Variants in IFNG-AS1 observed in about 807,000 individuals in gnomAD.
The protein encoded by IFNG-AS1 is IFNG antisense RNA 1 (non-protein coding).
intron 2 of IFNG-AS1, among the ~76,000 whole-genome samples, chr12:67,997,416 G>T (rs1341387894): frequency 2.0e-5 from 3 of 151,924 alleles, no homozygotes; most frequent in Non-Finnish European, 4.4e-5. Context: ...TTAATAGATG[G>T]TTCTGGGACA....
chr12:67,992,384 T>C (rs1879537620), intron 1 of IFNG-AS1, among the ~76,000 whole-genome samples: 1 of 152,304 alleles, frequency 6.6e-6, no homozygotes, highest in South Asian at 2.1e-4. Context: ...AAGATCTTTC[T>C]ATCTCGAATA....
At chr12:68,008,890 A>G (rs1399543567) in intron 3 of IFNG-AS1, among the ~76,000 whole-genome samples, 1 of 152,192 alleles carries the variant, frequency 6.6e-6, no homozygotes, top group Non-Finnish European at 1.5e-5. Context: ...GTGTTCCAAT[A>G]AGAAGAGGCA....
intron 2 of IFNG-AS1, chr12:68,001,474 C>A (rs1032290471): frequency 7.8e-6 from 2 of 256,726 alleles, no homozygotes; most frequent in Non-Finnish European, 1.6e-5. Context: ...TCTGATTCCA[C>A]TAGGGAATGG....
intron 2 of IFNG-AS1, among the ~76,000 whole-genome samples, chr12:68,004,623 C>T (rs1002786086): frequency 1.3e-5 from 2 of 152,232 alleles, no homozygotes; most frequent in African/African-American, 4.8e-5. Flanking sequence ...TTGTGCCTTC[C>T]TTCTCTACAG....
At chr12:68,007,717 T>C (rs1879937195) in intron 3 of IFNG-AS1, among the ~76,000 whole-genome samples, 1 of 152,180 alleles carries the variant, frequency 6.6e-6, no homozygotes, top group African/African-American at 2.4e-5. Context: ...AAAACCTCTA[T>C]ATTTACACAA....
chr12:68,004,552 C>T (rs1879864450), intron 2 of IFNG-AS1, among the ~76,000 whole-genome samples: 1 of 152,210 alleles, frequency 6.6e-6, no homozygotes, highest in Non-Finnish European at 1.5e-5. Flanking sequence ...GTCACTCAGT[C>T]CACATGGGTC....
intron 2 of IFNG-AS1, among the ~76,000 whole-genome samples, chr12:67,998,126 A>G (rs1879684190): frequency 6.6e-6 from 1 of 152,098 alleles, no homozygotes; most frequent in African/African-American, 2.4e-5. Flanking sequence ...CAGCAATTCC[A>G]CTTCTAGGAA....
At chr12:68,011,389 G>A (rs981455811) in intron 3 of IFNG-AS1, among the ~76,000 whole-genome samples, 1 of 152,134 alleles carries the variant, frequency 6.6e-6, no homozygotes, top group Middle Eastern at 3.2e-3. Context: ...TCTTTCTTTT[G>A]TGGTCTCTCT....
intron 1 of IFNG-AS1, among the ~76,000 whole-genome samples, chr12:67,992,068 C>T (rs1011282498): frequency 4.6e-5 from 7 of 152,190 alleles, no homozygotes; most frequent in Non-Finnish European, 1.0e-4. Flanking sequence ...CTCTTTCTCT[C>T]TGTCTCTGTA....
chr12:68,002,809 T>C (rs1369117071), intron 2 of IFNG-AS1, among the ~76,000 whole-genome samples: 1 of 152,224 alleles, frequency 6.6e-6, no homozygotes, highest in African/African-American at 2.4e-5. Flanking sequence ...CAAAGGAGCC[T>C]TCCTGGGTTT....
At chr12:67,995,397 G>A (rs759303557) in intron 1 of IFNG-AS1, among the ~76,000 whole-genome samples, 23 of 139,698 alleles carry the variant, frequency 1.6e-4, no homozygotes, top group Non-Finnish European at 3.1e-4. Flanking sequence ...CTCCAGCCTG[G>A]TGACAGAGTG....
At chr12:67,999,492 G>C (rs111682657) in intron 2 of IFNG-AS1, among the ~76,000 whole-genome samples, 2,964 of 152,270 alleles carry the variant, frequency 0.019, 100 homozygotes, top group African/African-American at 0.068. Context: ...GTGGACACAT[G>C]TTGAAAGGAC....
rs531407275 is a variant in IFNG-AS1 at position 67,992,334 on chromosome 12, T to C, written n.51+2755T>C. On this transcript the variant is annotated intron_variant and non_coding_transcript_variant, in intron 1 of 5. Coordinates refer to ENST00000536914, the Ensembl canonical transcript of IFNG-AS1. ...CACTGAATCATTATTCCAAAATTTA[T>C]CAATCTATTTTCTTGTTAGTGGAAT... Among the ~76,000 whole-genome samples the C allele has an allele frequency of 4.6e-5, 7 of 152,354 alleles. No individual in the cohort carries two copies. The South Asian group carries it at 1.4e-3, about 32-fold the overall frequency.
At chr12:67,994,756 G>A (rs1879596090) in intron 1 of IFNG-AS1, among the ~76,000 whole-genome samples, 1 of 152,132 alleles carries the variant, frequency 6.6e-6, no homozygotes, top group Non-Finnish European at 1.5e-5. Context: ...TGTTCTAGGA[G>A]GTGCAGTAAG....
intron 3 of IFNG-AS1, among the ~76,000 whole-genome samples, chr12:68,014,935 G>A (rs969621571): frequency 2.0e-5 from 3 of 152,082 alleles, no homozygotes; most frequent in African/African-American, 7.2e-5. Flanking sequence ...TTGGTGAAAA[G>A]AGCAATGCAC....
At chr12:67,994,065 G>A (rs772281569) in intron 1 of IFNG-AS1, among the ~76,000 whole-genome samples, 3 of 152,174 alleles carry the variant, frequency 2.0e-5, no homozygotes, top group Non-Finnish European at 2.9e-5. Flanking sequence ...GTGGCATGGG[G>A]AATAATTTAA....
intron 2 of IFNG-AS1, among the ~76,000 whole-genome samples, chr12:67,998,468 A>G (rs1879692611): frequency 6.6e-6 from 1 of 151,564 alleles, no homozygotes; most frequent in Admixed American, 6.6e-5. Context: ...AAGAAAGAAA[A>G]CCACAAAAAG....
chr12:68,014,271 A>G (rs1016864082), intron 3 of IFNG-AS1, among the ~76,000 whole-genome samples: 1 of 152,234 alleles, frequency 6.6e-6, no homozygotes, highest in Non-Finnish European at 1.5e-5. Flanking sequence ...ATGTTTTTGC[A>G]TAATGACATC....
intron 1 of IFNG-AS1, among the ~76,000 whole-genome samples, chr12:67,991,655 A>T (rs1432493089): frequency 6.6e-6 from 1 of 152,210 alleles, no homozygotes; most frequent in East Asian, 1.9e-4. Flanking sequence ...TTAAACCCAG[A>T]ACTTTTGCCA....
Sources: allele counts gnomAD v4.1 joint callset (sites outside exome capture counted in the v4.1 genomes callset), GRCh38; gene constraint gnomAD v4.1.1; transcripts MANE v1.5; gene names NCBI Gene and HGNC (gene_info 2026-07-23, HGNC 2026-07-21).